DTD1: variants seen among roughly 807,000 people sequenced by gnomAD.
DTD1 encodes D-tyrosyl-tRNA deacylase 1 homolog.
Under a neutral mutation model 25.6 loss-of-function variants are expected in DTD1, and 13 were observed. The observed-to-expected ratio is 0.51, with a 90% CI of 0.33 to 0.81. The LOEUF is 0.81. Ranked by LOEUF, DTD1 falls within the 30% of genes least tolerant of loss-of-function variation. The pLI is 0.02. For synonymous variants in DTD1, 110 were observed against 103.6 expected, an observed-to-expected ratio of 1.06 and a Z score of -0.37; for missense variants, 193 against 266.4, an observed-to-expected ratio of 0.72 and a Z score of 1.92.
At chr20:18,692,287 G>C (rs1224389977) in intron 4 of DTD1, among the ~76,000 whole-genome samples, 1 of 152,210 alleles carries the variant, frequency 6.6e-6, no homozygotes, top group Non-Finnish European at 1.5e-5. Context: ...TGCCTTGTTT[G>C]TAAGTGATGG....
chr20:18,670,323 G>GT (rs2060947504), intron 4 of DTD1, among the ~76,000 whole-genome samples: 1 of 152,288 alleles, frequency 6.6e-6, no homozygotes, highest in South Asian at 2.1e-4. Flanking sequence ...GGGTATGGTA[G>GT]TGCACGCCTG....
chr20:18,628,267 T>G (rs751296630), intron 4 of DTD1, 34 bp downstream of exon 4: 1 of 1,565,340 alleles, frequency 6.4e-7, no homozygotes, highest in African/African-American at 1.4e-5. Context: ...GCTCCGTCCC[T>G]TGGGTGCCTG....
intron 4 of DTD1, among the ~76,000 whole-genome samples, chr20:18,728,321 G>C (rs1420685091): frequency 1.3e-5 from 2 of 152,200 alleles, no homozygotes; most frequent in East Asian, 3.9e-4. Context: ...CTGGGGGATG[G>C]GAGTCAGCCC....
intron 5 of DTD1, among the ~76,000 whole-genome samples, chr20:18,747,011 C>A (rs557040665): frequency 3.3e-5 from 5 of 152,176 alleles, no homozygotes; most frequent in Non-Finnish European, 7.3e-5. Flanking sequence ...CATAAAACTT[C>A]CACTCCCACC....
At chr20:18,675,815 C>CATATATATGTAAATATATATTT (rs1568665457) in intron 4 of DTD1, among the ~76,000 whole-genome samples, 2 of 150,868 alleles carry the variant, frequency 1.3e-5, no homozygotes. Context: ...TATATTTACA[C>CATATATATGTAAATATATATTT]ACATATATGT....
intron 4 of DTD1, among the ~76,000 whole-genome samples, chr20:18,740,103 G>A (rs1458291594): frequency 6.6e-6 from 1 of 152,122 alleles, no homozygotes; most frequent in African/African-American, 2.4e-5. Context: ...GCACAGAGTC[G>A]AATGACACTA....
intron 4 of DTD1, among the ~76,000 whole-genome samples, chr20:18,680,773 C>A (rs542578043): frequency 6.6e-6 from 1 of 152,194 alleles, no homozygotes; most frequent in Non-Finnish European, 1.5e-5. Flanking sequence ...CTTGAACAGG[C>A]CTCACTTCAG....
At chr20:18,635,262 T>C (rs1020089417) in intron 4 of DTD1, among the ~76,000 whole-genome samples, 6 of 152,262 alleles carry the variant, frequency 3.9e-5, no homozygotes, top group African/African-American at 1.4e-4. Context: ...GCTTTGTTTA[T>C]GCTGAAGTAT....
At chr20:18,652,521 G>A (rs1490275141) in intron 4 of DTD1, among the ~76,000 whole-genome samples, 1 of 152,220 alleles carries the variant, frequency 6.6e-6, no homozygotes, top group African/African-American at 2.4e-5. Flanking sequence ...GAGGGCCTCA[G>A]AGGACCAAAG....
chr20:18,722,097 C>T (rs1206387287), intron 4 of DTD1, among the ~76,000 whole-genome samples: 1 of 152,232 alleles, frequency 6.6e-6, no homozygotes, highest in Non-Finnish European at 1.5e-5. Flanking sequence ...ACTCCTCAGG[C>T]CCATCTGATT....
chr20:18,729,566 T>G (rs2061233518), intron 4 of DTD1, among the ~76,000 whole-genome samples: 2 of 152,244 alleles, frequency 1.3e-5, no homozygotes, highest in Admixed American at 6.5e-5. Flanking sequence ...GTTTTATTCC[T>G]CTTCAGATAT....
intron 4 of DTD1, among the ~76,000 whole-genome samples, chr20:18,659,288 C>T (rs1245438558): frequency 6.6e-6 from 1 of 152,162 alleles, no homozygotes; most frequent in East Asian, 1.9e-4. Flanking sequence ...TGGTTTGCAC[C>T]TTTGGCCCTG....
At chr20:18,685,733 C>T (rs1317647943) in intron 4 of DTD1, among the ~76,000 whole-genome samples, 1 of 152,196 alleles carries the variant, frequency 6.6e-6, no homozygotes, top group Admixed American at 6.5e-5. Context: ...AGCTAAATAC[C>T]TAAGTAGGAA....
chr20:18,686,646 CTGTG>C (rs56350174), intron 4 of DTD1, among the ~76,000 whole-genome samples: 302 of 148,980 alleles, frequency 2.0e-3, no homozygotes, highest in African/African-American at 5.0e-3. Flanking sequence ...TATTTATTAG[CTGTG>C]TGTGTGTGTG....
At chr20:18,649,326 C>CTTGTTTTTTTT in intron 4 of DTD1, among the ~76,000 whole-genome samples, 1 of 57,628 alleles carries the variant, frequency 1.7e-5, no homozygotes, top group Non-Finnish European at 3.1e-5. Flanking sequence ...ATTCATCTTT[C>CTTGTTTTTTTT]TTTTTTTTTT....
chr20:18,592,269 T>C (rs1011036531), intron 1 of DTD1: 2 of 152,168 alleles, frequency 1.3e-5, no homozygotes, highest in African/African-American at 4.8e-5. Flanking sequence ...TCTAATAAGA[T>C]TGGCAAATAA....
intron 4 of DTD1, among the ~76,000 whole-genome samples, chr20:18,704,157 C>T (rs141179288): frequency 7.2e-5 from 11 of 152,222 alleles, no homozygotes; most frequent in Admixed American, 3.9e-4. Flanking sequence ...CCTGCCACCA[C>T]GCCTGGCTAA....
chr20:18,609,484 T>G (rs2060678124), intron 3 of DTD1, among the ~76,000 whole-genome samples: 1 of 151,900 alleles, frequency 6.6e-6, no homozygotes. Flanking sequence ...TCCTATGCTC[T>G]AACTTTCTCT....
At chr20:18,705,205 T>C (rs923057509) in intron 4 of DTD1, among the ~76,000 whole-genome samples, 12 of 152,214 alleles carry the variant, frequency 7.9e-5, no homozygotes, top group Non-Finnish European at 1.6e-4. Flanking sequence ...AGTGCTGTTA[T>C]GTTTAAAAAC....
Sources: allele counts gnomAD v4.1 joint callset (sites outside exome capture counted in the v4.1 genomes callset), GRCh38; gene constraint gnomAD v4.1.1; transcripts MANE v1.5; gene names NCBI Gene and HGNC (gene_info 2026-07-23, HGNC 2026-07-21).